Variants in KHDRBS2 observed in about 807,000 individuals in gnomAD.
The protein encoded by KHDRBS2 is KH domain-containing, RNA-binding, signal transduction-associated protein 2.
A neutral mutation model predicts 44.3 loss-of-function variants in KHDRBS2; 26 were observed. The observed-to-expected ratio is 0.59, with a 90% confidence interval of 0.43 to 0.81. The LOEUF (loss-of-function observed/expected upper bound fraction) is 0.81. Among genes scored for constraint, KHDRBS2 ranks in the 40% least tolerant of loss-of-function variants. KHDRBS2 has a pLI of 0.00. For missense variants in KHDRBS2, 476 were observed against 433.1 expected (o/e 1.10, Z -0.88); for synonymous variants, 194 against 151.1 (o/e 1.28, Z -2.08).
intron 2 of KHDRBS2, among the ~76,000 whole-genome samples, chr6:62,134,392 G>C (rs1456066386): frequency 1.3e-5 from 2 of 152,198 alleles, no homozygotes; most frequent in African/African-American, 4.8e-5. Context: ...AGATTTCAGA[G>C]GATGTATGGA....
intron 4 of KHDRBS2, among the ~76,000 whole-genome samples, chr6:61,975,332 C>T (rs1772354446): frequency 1.3e-5 from 2 of 152,122 alleles, no homozygotes. Context: ...TCTAGCATGT[C>T]TCTTACTGCC....
chr6:62,085,171 T>C (rs1264046611), intron 2 of KHDRBS2, among the ~76,000 whole-genome samples: 1 of 152,148 alleles, frequency 6.6e-6, no homozygotes, highest in Admixed American at 6.6e-5. Flanking sequence ...AATATTAGGA[T>C]GCTTAAGAAA....
intron 4 of KHDRBS2, among the ~76,000 whole-genome samples, chr6:61,926,864 T>C (rs73489428): frequency 0.08 from 12,147 of 151,800 alleles, 486 homozygotes; most frequent in Middle Eastern, 0.14. Context: ...GACTAAACAC[T>C]GTTTTCCTGG....
At chr6:61,582,475 T>C in the KHDRBS2 span, among the ~76,000 whole-genome samples, 1 of 151,722 alleles carries the variant, frequency 6.6e-6, no homozygotes, top group Non-Finnish European at 1.5e-5. Flanking sequence ...ACTAAAATAG[T>C]GTTCAAAATA....
intron 2 of KHDRBS2, among the ~76,000 whole-genome samples, chr6:62,111,770 TAC>T (rs773366977): frequency 3.3e-5 from 5 of 152,006 alleles, no homozygotes; most frequent in Non-Finnish European, 7.4e-5. Flanking sequence ...TAGTCCTAGC[TAC>T]ATATGAGGCT....
chr6:61,812,687 G>T (rs1024281681), intron 6 of KHDRBS2, among the ~76,000 whole-genome samples: 9 of 151,634 alleles, frequency 5.9e-5, no homozygotes, highest in African/African-American at 2.2e-4. Context: ...GGCAATAAAA[G>T]GATAAAATAT....
chr6:61,543,378 T>TA, the KHDRBS2 span, among the ~76,000 whole-genome samples: 1 of 151,856 alleles, frequency 6.6e-6, no homozygotes, highest in Non-Finnish European at 1.5e-5. Context: ...CAATGATCAT[T>TA]AGAAAAATGC....
intron 3 of KHDRBS2, among the ~76,000 whole-genome samples, chr6:61,980,607 C>T (rs1158644151): frequency 2.6e-5 from 4 of 152,088 alleles, no homozygotes; most frequent in Non-Finnish European, 4.4e-5. Flanking sequence ...ATTTATCAAA[C>T]AAGATGGGCC....
At chr6:61,650,104 C>T in the KHDRBS2 span, among the ~76,000 whole-genome samples, 4 of 152,146 alleles carry the variant, frequency 2.6e-5, no homozygotes, top group African/African-American at 7.2e-5. Context: ...CACTGCTATT[C>T]TTTCTGCCTG....
intron 2 of KHDRBS2, among the ~76,000 whole-genome samples, chr6:62,067,439 T>C (rs1321799447): frequency 6.6e-6 from 1 of 151,524 alleles, no homozygotes; most frequent in Admixed American, 6.6e-5. Flanking sequence ...TGCTGATAAA[T>C]TTAAATTGTC....
chr6:62,024,170 G>T (rs1186571094), intron 3 of KHDRBS2, among the ~76,000 whole-genome samples: 2 of 151,050 alleles, frequency 1.3e-5, no homozygotes, highest in Non-Finnish European at 3.0e-5. Flanking sequence ...CATCATCTTG[G>T]ATAAATCTAA....
At chr6:61,864,089 T>C (rs1562327740) in intron 6 of KHDRBS2, among the ~76,000 whole-genome samples, 2 of 152,176 alleles carry the variant, frequency 1.3e-5, no homozygotes, top group Admixed American at 6.5e-5. Flanking sequence ...CTTTGTTTTA[T>C]CAGAAACTGG....
chr6:61,593,587 A>G, the KHDRBS2 span, among the ~76,000 whole-genome samples: 1 of 151,730 alleles, frequency 6.6e-6, no homozygotes. Context: ...TTTTAGTCTT[A>G]TTATACTTGT....
chr6:62,069,034 G>C (rs1023446639), intron 2 of KHDRBS2, among the ~76,000 whole-genome samples: 15 of 151,488 alleles, frequency 9.9e-5, no homozygotes, highest in African/African-American at 3.6e-4. Context: ...AAGATACTAG[G>C]GATTTTGATA....
intron 4 of KHDRBS2, among the ~76,000 whole-genome samples, chr6:61,965,634 T>G (rs1769755759): frequency 6.6e-6 from 1 of 151,896 alleles, no homozygotes; most frequent in East Asian, 1.9e-4. Flanking sequence ...AGTATTTATT[T>G]TGTTATAATA....
intron 4 of KHDRBS2, among the ~76,000 whole-genome samples, chr6:61,952,559 C>A (rs1045020401): frequency 1.3e-5 from 2 of 151,964 alleles, no homozygotes; most frequent in Admixed American, 6.6e-5. Context: ...TTTTCAATGG[C>A]CAAAACTGCA....
chr6:61,709,763 A>C (rs1388658669), intron 7 of KHDRBS2, among the ~76,000 whole-genome samples: 1 of 151,690 alleles, frequency 6.6e-6, no homozygotes, highest in Admixed American at 6.6e-5. Flanking sequence ...TATTAAATGA[A>C]CTGTTACATG....
chr6:62,121,665 G>A (rs1040421160), intron 2 of KHDRBS2, among the ~76,000 whole-genome samples: 6 of 152,214 alleles, frequency 3.9e-5, no homozygotes, highest in African/African-American at 9.6e-5. Flanking sequence ...TCATCTCCCC[G>A]GCTTTGTGCC....
intron 6 of KHDRBS2, among the ~76,000 whole-genome samples, chr6:61,856,560 T>C (rs528191490): frequency 0.01 from 1,577 of 151,248 alleles, 12 homozygotes; most frequent in Non-Finnish European, 0.015. Flanking sequence ...TTTTTTTTTT[T>C]CTAAAAAAAG....
Sources: gnomAD v4.1 joint callset for allele counts (sites outside exome capture counted in the v4.1 genomes callset) on GRCh38, gnomAD v4.1.1 for gene constraint, MANE v1.5 for transcripts, NCBI Gene and HGNC (gene_info 2026-07-23, HGNC 2026-07-21) for gene names.